The following TMEM132D variants were observed in gnomAD, a reference collection of about 807,000 sequenced individuals.
The protein encoded by TMEM132D is mature OL transmembrane protein.
A neutral mutation model predicts 62.3 loss-of-function variants in TMEM132D; 21 were observed. That is an observed-to-expected ratio of 0.34 (90% CI 0.24 to 0.49). The LOEUF is 0.49. TMEM132D is among the 20% of genes least tolerant of loss of function. The pLI, the probability that TMEM132D is intolerant of heterozygous loss-of-function variation, is 0.99. For missense variants in TMEM132D, 1,346 were observed against 1,402.8 expected (o/e 0.96, Z 0.65); for synonymous variants, 621 against 575.6 (o/e 1.08, Z -1.13).
chr12:129,508,784 G>T (rs972595654), intron 3 of TMEM132D, among the ~76,000 whole-genome samples: 5 of 152,030 alleles, frequency 3.3e-5, no homozygotes, highest in African/African-American at 1.2e-4. Context: ...AAAAATGAGT[G>T]GTGAATGCTG....
At chr12:129,424,358 C>T (rs1246368716) in intron 3 of TMEM132D, among the ~76,000 whole-genome samples, 3 of 152,100 alleles carry the variant, frequency 2.0e-5, no homozygotes, top group Non-Finnish European at 4.4e-5. Context: ...TCCCATACAT[C>T]CTCTTTTCCT....
chr12:129,548,199 T>C (rs1036418387), intron 2 of TMEM132D, among the ~76,000 whole-genome samples: 1 of 152,168 alleles, frequency 6.6e-6, no homozygotes, highest in African/African-American at 2.4e-5. Context: ...TTCCCGCCTA[T>C]ATCCCTCTCC....
intron 4 of TMEM132D, among the ~76,000 whole-genome samples, chr12:129,276,206 C>G (rs953949676): frequency 6.6e-6 from 1 of 152,176 alleles, no homozygotes; most frequent in African/African-American, 2.4e-5. Context: ...TTATGTAATT[C>G]ATTGACCATT....
chr12:129,738,868 G>T (rs149735363), intron 1 of TMEM132D, among the ~76,000 whole-genome samples: 2 of 152,056 alleles, frequency 1.3e-5, no homozygotes, highest in African/African-American at 4.8e-5. Flanking sequence ...CAAACAATAC[G>T]TGTCTTCTAC....
chr12:129,321,851 A>G (rs7138082), intron 4 of TMEM132D, among the ~76,000 whole-genome samples: 72,709 of 152,034 alleles, frequency 0.48, 17,765 homozygotes, highest in East Asian at 0.65. Flanking sequence ...GAGCCACTGC[A>G]CCCGGCCGAG....
At chr12:129,423,199 TAG>T (rs994095048) in intron 3 of TMEM132D, among the ~76,000 whole-genome samples, 3 of 152,176 alleles carry the variant, frequency 2.0e-5, no homozygotes, top group Non-Finnish European at 2.9e-5. Flanking sequence ...AACCCTCATT[TAG>T]AGTCACATGT....
intron 4 of TMEM132D, among the ~76,000 whole-genome samples, chr12:129,232,165 A>G (rs1398291692): frequency 6.6e-6 from 1 of 152,122 alleles, no homozygotes; most frequent in African/African-American, 2.4e-5. Context: ...TCTTCCCACG[A>G]TATTCTAATA....
At chr12:129,279,596 T>C (rs948390529) in intron 4 of TMEM132D, among the ~76,000 whole-genome samples, 1 of 152,152 alleles carries the variant, frequency 6.6e-6, no homozygotes, top group Non-Finnish European at 1.5e-5. Flanking sequence ...ACAAAATCTT[T>C]CAGTAGAGAG....
chr12:129,083,376 G>T (rs1244517943), intron 6 of TMEM132D, among the ~76,000 whole-genome samples: 2 of 152,234 alleles, frequency 1.3e-5, no homozygotes, highest in African/African-American at 4.8e-5. Context: ...GTCTGAACCA[G>T]GCAGCTGTGA....
chr12:129,527,922 T>C (rs540672985), intron 3 of TMEM132D, among the ~76,000 whole-genome samples: 6 of 152,356 alleles, frequency 3.9e-5, no homozygotes, highest in Admixed American at 2.0e-4. Flanking sequence ...CGCTCACTCC[T>C]GGTGAGTTCA....
chr12:129,342,797 T>C, intron 3 of TMEM132D, among the ~76,000 whole-genome samples: 1 of 152,170 alleles, frequency 6.6e-6, no homozygotes, highest in Non-Finnish European at 1.5e-5. Context: ...AAACAAGACA[T>C]TTATGTAGCC....
chr12:129,621,791 G>C (rs900221511), intron 2 of TMEM132D, among the ~76,000 whole-genome samples: 3 of 152,212 alleles, frequency 2.0e-5, no homozygotes, highest in Non-Finnish European at 4.4e-5. Flanking sequence ...CTTGCTCAGA[G>C]ACACACAGCT....
intron 1 of TMEM132D, among the ~76,000 whole-genome samples, chr12:129,873,587 G>A (rs1378777751): frequency 6.6e-6 from 1 of 152,180 alleles, no homozygotes; most frequent in Non-Finnish European, 1.5e-5. Flanking sequence ...TGGGCACAAA[G>A]AATGGATCTG....
intron 4 of TMEM132D, among the ~76,000 whole-genome samples, chr12:129,336,100 T>A (rs1167337728): frequency 6.6e-6 from 1 of 152,146 alleles, no homozygotes; most frequent in Non-Finnish European, 1.5e-5. Context: ...ACCACTAACC[T>A]TAGGAACTTC....
chr12:129,354,543 CA>C (rs1347790697), intron 3 of TMEM132D, among the ~76,000 whole-genome samples: 1 of 152,040 alleles, frequency 6.6e-6, no homozygotes, highest in African/African-American at 2.4e-5. Context: ...AGGCTGGTCT[CA>C]AACTCCTGAC....
intron 3 of TMEM132D, among the ~76,000 whole-genome samples, chr12:129,354,278 C>T (rs1375730056): frequency 1.3e-5 from 2 of 151,216 alleles, no homozygotes; most frequent in Non-Finnish European, 2.9e-5. Flanking sequence ...TCTCCTGCAT[C>T]TATTTCCAGA....
chr12:129,466,810 A>G (rs2131258), intron 3 of TMEM132D, among the ~76,000 whole-genome samples: 148,260 of 152,270 alleles, frequency 0.97, 72,303 homozygotes, highest in East Asian at 1. Flanking sequence ...CTTCCCCTGT[A>G]GCTTGTTTCC....
chr12:129,658,199 C>G (rs1005026512), intron 2 of TMEM132D, among the ~76,000 whole-genome samples: 2 of 152,148 alleles, frequency 1.3e-5, no homozygotes, highest in Non-Finnish European at 2.9e-5. Flanking sequence ...AAGAAAGCAG[C>G]ATCAGTAATC....
rs1312824223 is a variant in TMEM132D, at chr12:129,654,436, A to G, written c.968+45374T>C. 3.9e-5 allele frequency among the ~76,000 whole-genome samples: 6 copies of G among 151,950 alleles called. No individual in the cohort carries two copies. The East Asian group carries it at 1.2e-3, about 29-fold the overall frequency. On this transcript the variant is annotated intron_variant, in intron 2 of 8. Transcript: ENST00000422113. The stretch of plus-strand genomic sequence containing the variant: ...TTTAAGCCTAAAGATGTACCGTATA[A>G]CTCTTATGTACTATAAATAGATCTA...
Sources: gnomAD v4.1 joint callset for allele counts (sites outside exome capture counted in the v4.1 genomes callset) on GRCh38, gnomAD v4.1.1 for gene constraint, MANE v1.5 for transcripts, NCBI Gene and HGNC (gene_info 2026-07-23, HGNC 2026-07-21) for gene names.